UBQLN1: variants seen among roughly 807,000 people sequenced by gnomAD.
The protein encoded by UBQLN1 is ubiquilin 1, also known as ubiquilin-1.
In UBQLN1, 13 loss-of-function variants were observed where a neutral mutation model predicts 65.4. That is an observed-to-expected ratio of 0.20 (90% CI 0.13 to 0.32). The LOEUF is 0.32. Among genes scored for constraint, UBQLN1 ranks in the 10% least tolerant of loss-of-function variants. The pLI is 1.00. For missense variants in UBQLN1, 561 were observed against 724.0 expected (o/e 0.77, Z 2.58); for synonymous variants, 267 against 247.8 (o/e 1.08, Z -0.73).
chr9:83,681,120 C>T (rs1301503230), intron 3 of UBQLN1, among the ~76,000 whole-genome samples: 5 of 152,182 alleles, frequency 3.3e-5, no homozygotes, highest in Non-Finnish European at 5.9e-5. Context: ...CACCTATAAA[C>T]ACTGGGTACA....
intron 1 of UBQLN1, among the ~76,000 whole-genome samples, chr9:83,690,378 G>T (rs1208760640): frequency 6.6e-6 from 1 of 151,946 alleles, no homozygotes; most frequent in African/African-American, 2.4e-5. Flanking sequence ...TTTTTTAAGG[G>T]TTGGGGACAA....
chr9:83,702,272 G>A (rs1335291834), intron 1 of UBQLN1, among the ~76,000 whole-genome samples: 1 of 152,106 alleles, frequency 6.6e-6, no homozygotes, highest in African/African-American at 2.4e-5. Context: ...ACTTTAAAAT[G>A]GTGAACTGTA....
At chr9:83,674,611 C>G (rs932027431) in intron 6 of UBQLN1, among the ~76,000 whole-genome samples, 25 of 152,154 alleles carry the variant, frequency 1.6e-4, no homozygotes, top group African/African-American at 5.8e-4. Flanking sequence ...AGAAAATAAA[C>G]TCACTGAAGT....
chr9:83,678,803 G>A (rs529430920), intron 4 of UBQLN1, among the ~76,000 whole-genome samples: 1 of 151,972 alleles, frequency 6.6e-6, no homozygotes, highest in Non-Finnish European at 1.5e-5. Context: ...TGCAAGCTCC[G>A]CCTCCCGGGT....
At chr9:83,704,607 A>T (rs1832366514) in intron 1 of UBQLN1, among the ~76,000 whole-genome samples, 1 of 152,186 alleles carries the variant, frequency 6.6e-6, no homozygotes, top group Admixed American at 6.5e-5. Context: ...CAGGCGGATC[A>T]CAAGATCAGG....
rs373223153 is a variant in UBQLN1 at position 83,667,528 on chromosome 9, T to C, written c.1249-1095A>G. 378 of 985,434 alleles carry C rather than the reference T, an allele frequency of 3.8e-4. 3 individuals carry two copies. The South Asian group carries it at 8.6e-3, about 22-fold the overall frequency. The allele number at this position is 985,434 out of a possible 1,614,324, so 61.0% of individuals were successfully genotyped here. A position where few individuals can be genotyped will look rare whatever the true frequency, so the allele number is the denominator to read the frequency against. On this transcript the variant is annotated intron_variant, in intron 7 of 10. Transcript: ENST00000376395. ...CAACCTTTCAGGAACATACAGTATT[T>C]ATTTCAAAGTGACCAGTAAGTTCAC...
At chr9:83,695,149 CAA>C (rs1216870956) in intron 1 of UBQLN1, among the ~76,000 whole-genome samples, 4 of 126,474 alleles carry the variant, frequency 3.2e-5, no homozygotes, top group Non-Finnish European at 5.1e-5. Flanking sequence ...CAGAATCACC[CAA>C]AAAAAAAAAA....
At position 83,683,086 on chromosome 9, in the gene UBQLN1, A is replaced by G. The variant is rs1046900332; in HGVS notation, c.333-20T>C. The G allele has an allele frequency of 3.5e-5, 54 of 1,554,310 alleles. No individual in the cohort carries two copies. The highest frequency in any genetic ancestry group is 4.5e-5 in the Non-Finnish European group (51 of 1,128,588). On this transcript the variant is annotated intron_variant, in intron 2 of 10. Coordinates refer to ENST00000376395, the MANE Select transcript of UBQLN1 (RefSeq NM_013438.5). ...TGAGGCCTAGGGAAAATAATTAATC[A>G]CAGAGTAAGCAGTAGAGCTGATTAT...
intron 3 of UBQLN1, among the ~76,000 whole-genome samples, chr9:83,680,687 A>AT (rs1212520098): frequency 1.4e-4 from 22 of 152,148 alleles, no homozygotes; most frequent in African/African-American, 5.3e-4. Flanking sequence ...TCTTCCAAGC[A>AT]TTTGTCTGTT....
chr9:83,669,176 CA>C lies in UBQLN1; in HGVS notation c.1248+8del. Reference sequence around the variant, plus strand: ...TGCACAGTCTTTTTCAATACAATTACAAACTCACCTGTGCAGCAAGGTCAGG... The same window carrying C: ...TGCACAGTCTTTTTCAATACAATTACAACTCACCTGTGCAGCAAGGTCAGG... On this transcript the variant is annotated splice_region_variant and intron_variant, in intron 7 of 10. Coordinates refer to ENST00000376395, the MANE Select transcript of UBQLN1 (RefSeq NM_013438.5). 1 of 1,600,606 alleles carries C rather than the reference CA, an allele frequency of 6.2e-7. No individual in the cohort carries two copies.
intron 1 of UBQLN1, among the ~76,000 whole-genome samples, chr9:83,703,608 A>C (rs1459116196): frequency 6.6e-6 from 1 of 152,148 alleles, no homozygotes; most frequent in East Asian, 1.9e-4. Context: ...GTATTACAAA[A>C]ATCTCTATTA....
chr9:83,696,456 C>T (rs1166708407), intron 1 of UBQLN1, among the ~76,000 whole-genome samples: 1 of 151,742 alleles, frequency 6.6e-6, no homozygotes, highest in Non-Finnish European at 1.5e-5. Flanking sequence ...TAAAAACAAA[C>T]AAAAAAATTT....
chr9:83,699,042 A>G (rs945798543), intron 1 of UBQLN1, among the ~76,000 whole-genome samples: 1 of 152,230 alleles, frequency 6.6e-6, no homozygotes, highest in Non-Finnish European at 1.5e-5. Context: ...TGAAATACCT[A>G]GAGTAGTCAA....
chr9:83,698,203 G>A (rs530662138), intron 1 of UBQLN1, among the ~76,000 whole-genome samples: 112 of 152,256 alleles, frequency 7.4e-4, no homozygotes, highest in Admixed American at 4.4e-3. Context: ...AAAAGGGGAA[G>A]AAAGAGCCAG....
intron 9 of UBQLN1, 84 bp downstream of exon 9, chr9:83,664,946 A>AAAAT: frequency 1.4e-6 from 1 of 697,794 alleles, no homozygotes; most frequent in Non-Finnish European, 2.2e-6. Context: ...AAAAAAAAAA[A>AAAAT]GGCAGGCAGA....
intron 5 of UBQLN1, 53 bp downstream of exon 5, chr9:83,678,388 T>C: frequency 1.3e-6 from 2 of 1,552,652 alleles, no homozygotes; most frequent in Non-Finnish European, 1.7e-6. Context: ...TACACATATT[T>C]GTGTTAAAAC....
intron 8 of UBQLN1, 28 bp from the exon 9 acceptor site, chr9:83,665,173 C>A (rs1831624663): frequency 6.6e-7 from 1 of 1,515,010 alleles, no homozygotes; most frequent in East Asian, 2.3e-5. Flanking sequence ...CTAGTGGTTA[C>A]AAAGGAATTA....
rs1226889677 is a variant in UBQLN1 at position 83,699,741 on chromosome 9, G to A, written c.180+7759C>T. ...TATTAACAGGAAGCCCTAATACCAG[G>A]GTAAGCAAACTTTCTGTTACGGGCT... On this transcript the variant is annotated intron_variant, in intron 1 of 10. Coordinates refer to ENST00000376395, the MANE Select transcript of UBQLN1 (RefSeq NM_013438.5). Among the ~76,000 whole-genome samples the A allele has an allele frequency of 2.6e-5, 4 of 152,004 alleles. No homozygotes were observed. The East Asian group carries it at 5.8e-4, about 22-fold the overall frequency.
At chr9:83,671,349 T>A (rs1290327912) in intron 6 of UBQLN1, among the ~76,000 whole-genome samples, 2 of 152,244 alleles carry the variant, frequency 1.3e-5, no homozygotes, top group African/African-American at 4.8e-5. Context: ...GGTTTTCAAT[T>A]TACTTTGCCC....
Sources: gnomAD v4.1 joint callset for allele counts (sites outside exome capture counted in the v4.1 genomes callset) on GRCh38, gnomAD v4.1.1 for gene constraint, MANE v1.5 for transcripts, NCBI Gene and HGNC (gene_info 2026-07-23, HGNC 2026-07-21) for gene names.